The following TAF1B variants were observed in gnomAD, a reference collection of about 807,000 sequenced individuals.
The protein encoded by TAF1B is TATA-box binding protein associated factor, RNA polymerase I subunit B.
TAF1B carries 61 observed loss-of-function variants against 83.9 expected under a neutral mutation model. That is an observed-to-expected ratio of 0.73 (90% CI 0.59 to 0.90). The LOEUF (loss-of-function observed/expected upper bound fraction) is 0.90. Among genes scored for constraint, TAF1B ranks in the 40% least tolerant of loss-of-function variants. The probability of loss-of-function intolerance (pLI) is 0.00; values close to 1 mark genes in which losing one functional copy is unlikely to be tolerated. For missense variants in TAF1B, 625 were observed against 677.0 expected (o/e 0.92, Z 0.85); for synonymous variants, 221 against 224.6 (o/e 0.98, Z 0.14).
At chr2:9,861,460 G>C (rs1663756035) in intron 5 of TAF1B, among the ~76,000 whole-genome samples, 1 of 152,254 alleles carries the variant, frequency 6.6e-6, no homozygotes. Flanking sequence ...AGCTCGAACT[G>C]GGTGGAACCC....
At chr2:9,885,173 T>A (rs908160248) in intron 8 of TAF1B, among the ~76,000 whole-genome samples, 2 of 152,174 alleles carry the variant, frequency 1.3e-5, no homozygotes, top group East Asian at 3.8e-4. Context: ...GTAAAAAGCC[T>A]AAATACTGTA....
chr2:9,910,686 G>A (rs1174223548), intron 9 of TAF1B, 50 bp from the exon 10 acceptor site: 1 of 1,523,564 alleles, frequency 6.6e-7, no homozygotes, highest in Non-Finnish European at 9.0e-7. Flanking sequence ...ATATACATTG[G>A]GGATGGTCTA....
At chr2:9,871,522 G>A (rs556218147) in intron 6 of TAF1B, among the ~76,000 whole-genome samples, 12 of 152,144 alleles carry the variant, frequency 7.9e-5, no homozygotes, top group South Asian at 6.2e-4. Context: ...GAATATTAAC[G>A]ATATTTCATG....
chr2:9,919,459 G>A (rs1435179883), intron 13 of TAF1B, 139 bp from the exon 14 acceptor site: 11 of 717,904 alleles, frequency 1.5e-5, no homozygotes, highest in East Asian at 2.7e-5. Context: ...TTCCCTTAAC[G>A]TTATCCTGTT....
chr2:9,898,302 T>C (rs1665079024), intron 8 of TAF1B, among the ~76,000 whole-genome samples: 1 of 152,180 alleles, frequency 6.6e-6, no homozygotes, highest in African/African-American at 2.4e-5. Context: ...GAAGATGTTT[T>C]TCGTAAGCAT....
chr2:9,897,978 AC>A (rs1572262391), intron 8 of TAF1B, among the ~76,000 whole-genome samples: 1 of 144,424 alleles, frequency 6.9e-6, no homozygotes, highest in African/African-American at 2.6e-5. Context: ...ACTTCCCCCA[AC>A]CCCCCACCCC....
intron 10 of TAF1B, among the ~76,000 whole-genome samples, chr2:9,911,218 T>C (rs1371130677): frequency 2.0e-5 from 3 of 152,182 alleles, no homozygotes; most frequent in Admixed American, 1.3e-4. Flanking sequence ...GATTTCCTAG[T>C]TTTAAAGTAT....
At chr2:9,843,890 A>T in intron 1 of TAF1B, 13 of 158,016 alleles carry the variant, frequency 8.2e-5, no homozygotes, top group East Asian at 3.7e-4. Context: ...ACCACCCACA[A>T]GTTCCCTTTA....
At chr2:9,861,586 T>C (rs1663761728) in intron 5 of TAF1B, among the ~76,000 whole-genome samples, 1 of 152,240 alleles carries the variant, frequency 6.6e-6, no homozygotes, top group African/African-American at 2.4e-5. Flanking sequence ...TCTGACAGCT[T>C]TGAAGAGAGC....
chr2:9,854,721 A>G (rs1663502999), intron 5 of TAF1B, among the ~76,000 whole-genome samples: 1 of 152,220 alleles, frequency 6.6e-6, no homozygotes, highest in African/African-American at 2.4e-5. Context: ...TCACTGTACT[A>G]TTAAAATAAT....
At chr2:9,909,918 C>T (rs902296913) in intron 9 of TAF1B, among the ~76,000 whole-genome samples, 3 of 152,046 alleles carry the variant, frequency 2.0e-5, no homozygotes, top group African/African-American at 7.2e-5. Context: ...TACTATATGC[C>T]ACATTGAGAG....
At chr2:9,882,834 T>C (rs1664553005) in intron 8 of TAF1B, 29 bp downstream of exon 8, 1 of 1,501,202 alleles carries the variant, frequency 6.7e-7, no homozygotes. Context: ...TACTTTCTAG[T>C]CTCTGATAAG....
At chr2:9,846,088 T>G (rs1663199392) in intron 2 of TAF1B, 1 of 471,006 alleles carries the variant, frequency 2.1e-6, no homozygotes, top group African/African-American at 2.0e-5. Flanking sequence ...TTTGGATCCA[T>G]TATCTCATTT....
intron 4 of TAF1B, among the ~76,000 whole-genome samples, chr2:9,852,807 A>G (rs1663440440): frequency 1.3e-5 from 2 of 152,160 alleles, no homozygotes; most frequent in African/African-American, 4.8e-5. Context: ...AAGTGATATT[A>G]AAGGCAAAAA....
intron 14 of TAF1B, 31 bp downstream of exon 14, chr2:9,919,851 A>C (rs1467994122): frequency 6.3e-7 from 1 of 1,586,026 alleles, no homozygotes; most frequent in Non-Finnish European, 8.6e-7. Flanking sequence ...AGTCACATAT[A>C]ATTGAAGTAG....
intron 7 of TAF1B, among the ~76,000 whole-genome samples, chr2:9,880,966 A>G (rs1217678888): frequency 2.0e-5 from 3 of 152,192 alleles, no homozygotes; most frequent in Non-Finnish European, 4.4e-5. Context: ...TAGCTGGGGA[A>G]CCTTTAACAC....
At chr2:9,904,710 A>G in intron 8 of TAF1B, 149 bp from the exon 9 acceptor site, 1 of 694,298 alleles carries the variant, frequency 1.4e-6, no homozygotes, top group African/African-American at 1.8e-5. Flanking sequence ...TCCTGCCAGC[A>G]GTGCATAAGT....
At chr2:9,890,395 T>C (rs1393044314) in intron 8 of TAF1B, among the ~76,000 whole-genome samples, 2 of 152,072 alleles carry the variant, frequency 1.3e-5, no homozygotes, top group Non-Finnish European at 2.9e-5. Context: ...AGAAATAGAG[T>C]CAGTATTCAG....
At chr2:9,892,841 C>T (rs1198941547) in intron 8 of TAF1B, among the ~76,000 whole-genome samples, 1 of 152,136 alleles carries the variant, frequency 6.6e-6, no homozygotes, top group Non-Finnish European at 1.5e-5. Context: ...ACCTCCATTT[C>T]ATTTCCATGA....
Sources: allele counts gnomAD v4.1 joint callset (sites outside exome capture counted in the v4.1 genomes callset), GRCh38; gene constraint gnomAD v4.1.1; transcripts MANE v1.5; gene names NCBI Gene and HGNC (gene_info 2026-07-23, HGNC 2026-07-21).